PCLO: variants seen among roughly 807,000 people sequenced by gnomAD.
PCLO encodes the protein piccolo presynaptic cytomatrix protein, also known as protein piccolo.
A neutral mutation model predicts 427.5 loss-of-function variants in PCLO; 82 were observed. That is an observed-to-expected ratio of 0.19 (90% CI 0.16 to 0.23). The LOEUF is 0.23. Ranked by LOEUF, PCLO falls within the 10% of genes least tolerant of loss-of-function variation. The pLI is 1.00. For missense variants in PCLO, 6,239 were observed against 6,115.9 expected (o/e 1.02, Z -0.67); for synonymous variants, 2,357 against 2,155.4 (o/e 1.09, Z -2.59).
chr7:82,993,958 A>G (rs1311149065), intron 3 of PCLO, among the ~76,000 whole-genome samples: 1 of 152,076 alleles, frequency 6.6e-6, no homozygotes, highest in Non-Finnish European at 1.5e-5. Context: ...TTGTCATAAT[A>G]AGAGAAAACT....
intron 20 of PCLO, among the ~76,000 whole-genome samples, chr7:82,817,200 C>T (rs1791694439): frequency 6.6e-6 from 1 of 152,140 alleles, no homozygotes; most frequent in Non-Finnish European, 1.5e-5. Context: ...ATGCGCATGT[C>T]ATTACAGTTT....
In PCLO at chr7:82,922,518, A is replaced by G. The variant is rs564205630; in HGVS notation, c.11113-5645T>C. On this transcript the variant is annotated intron_variant, in intron 6 of 24. Coordinates refer to ENST00000333891, the MANE Select transcript of PCLO (RefSeq NM_033026.6). ...AACCAAATACCACATGTTGTCACCTATAAGTGGGATCTAAACATTGAGTAC... is the reference window on the plus strand; with the variant it reads ...AACCAAATACCACATGTTGTCACCTGTAAGTGGGATCTAAACATTGAGTAC... 2.0e-5 allele frequency among the ~76,000 whole-genome samples: 3 copies of G among 152,190 alleles called. No individual in the cohort carries two copies. In the South Asian group the frequency reaches 6.2e-4, roughly 32 times the overall value.
intron 1 of PCLO, among the ~76,000 whole-genome samples, chr7:83,161,711 A>G (rs1584105480): frequency 6.6e-6 from 1 of 152,212 alleles, no homozygotes; most frequent in African/African-American, 2.4e-5. Context: ...AGCATATGCT[A>G]ATTTAGAAAT....
intron 3 of PCLO, among the ~76,000 whole-genome samples, chr7:83,109,806 C>T (rs1010943256): frequency 6.6e-6 from 1 of 151,868 alleles, no homozygotes; most frequent in African/African-American, 2.4e-5. Context: ...CACTTAATAG[C>T]AAAAACATTT....
chr7:82,989,984 T>G (rs1298275646), intron 3 of PCLO, among the ~76,000 whole-genome samples: 1 of 152,160 alleles, frequency 6.6e-6, no homozygotes. Context: ...GAATTTCCTC[T>G]TTAGTAGAAA....
At chr7:82,891,765 A>G (rs1287597021) in intron 9 of PCLO, among the ~76,000 whole-genome samples, 1 of 152,020 alleles carries the variant, frequency 6.6e-6, no homozygotes, top group East Asian at 1.9e-4. Context: ...AATTTTGTCA[A>G]AGGCCTTTTG....
In PCLO at chr7:82,841,505, G is replaced by A; in HGVS notation, c.14051C>T (p.Thr4684Ile). Residue 4684 changes from threonine to isoleucine, a missense_variant, in exon 14 of 25, where the codon ACC becomes ATC. Transcript: ENST00000333891. Reference sequence around the variant, plus strand: ...ATGAGAGACAACCTTTGTTCCATCGGTAGGCTGTAATATTAAAGAACATAT... The same window carrying A: ...ATGAGAGACAACCTTTGTTCCATCGATAGGCTGTAATATTAAAGAACATAT... The part of the protein sequence containing the change: ...SKKKHGSSKP[T>I]DGTKVVSHPI... The A allele has an allele frequency of 6.4e-7, 1 of 1,566,958 alleles. No individual in the cohort carries two copies. The highest frequency in any genetic ancestry group is 8.8e-7 in the Non-Finnish European group (1 of 1,138,468).
chr7:82,907,053 G>A (rs1185141531), intron 8 of PCLO, among the ~76,000 whole-genome samples: 1 of 151,786 alleles, frequency 6.6e-6, no homozygotes, highest in East Asian at 1.9e-4. Flanking sequence ...GTATATGTTA[G>A]TAACATTAAA....
chr7:82,841,094 A>G (rs1248040346), intron 14 of PCLO, among the ~76,000 whole-genome samples: 3 of 151,978 alleles, frequency 2.0e-5, no homozygotes, highest in African/African-American at 7.2e-5. Flanking sequence ...GCAATTTTTG[A>G]TTAAAAGAAG....
intron 10 of PCLO, among the ~76,000 whole-genome samples, chr7:82,878,827 T>C (rs1212329073): frequency 6.6e-6 from 1 of 152,204 alleles, no homozygotes. Context: ...AGTTCTGCTA[T>C]TGTTTTGGTA....
At chr7:83,078,313 G>C (rs557429723) in intron 3 of PCLO, among the ~76,000 whole-genome samples, 1 of 151,918 alleles carries the variant, frequency 6.6e-6, no homozygotes, top group Non-Finnish European at 1.5e-5. Flanking sequence ...CAATAGTCTG[G>C]TAGCTCTGCA....
At chr7:82,894,012 A>G (rs917197460) in intron 9 of PCLO, among the ~76,000 whole-genome samples, 17 of 152,030 alleles carry the variant, frequency 1.1e-4, no homozygotes, top group African/African-American at 3.9e-4. Context: ...TACTTAAAAA[A>G]ATATTTAAGT....
At chr7:82,813,506 A>ATT (rs1211894503) in intron 20 of PCLO, among the ~76,000 whole-genome samples, 1 of 151,728 alleles carries the variant, frequency 6.6e-6, no homozygotes, top group Non-Finnish European at 1.5e-5. Context: ...TCAGTGACCA[A>ATT]TTGCATTTTT....
intron 3 of PCLO, among the ~76,000 whole-genome samples, chr7:83,055,987 C>T (rs1789369695): frequency 6.6e-6 from 1 of 152,052 alleles, no homozygotes; most frequent in South Asian, 2.1e-4. Context: ...GAATTTGGAA[C>T]CAGGGTGCAA....
chr7:82,810,026 T>C lies in PCLO; in HGVS notation c.14792-4197A>G, dbSNP rs77319287. 2.9e-3 allele frequency among the ~76,000 whole-genome samples: 436 copies of C among 151,762 alleles called. 14 individuals carry two copies. The East Asian group carries it at 0.052, about 18-fold the overall frequency. ...ATGAAAGTGACAAAAGAAAATAATA[T>C]GTAGAGTAACATTCTGTGGGAGCCA... On this transcript the variant is annotated intron_variant, in intron 20 of 24. Coordinates refer to ENST00000333891, the MANE Select transcript of PCLO (RefSeq NM_033026.6).
chr7:83,011,561 C>T lies in PCLO; in HGVS notation c.3301-45074G>A, dbSNP rs187269337. On this transcript the variant is annotated intron_variant, in intron 3 of 24. Transcript: ENST00000333891. ...CAAATAAATAGGATCAAGACAAATA[C>T]ATCACAATGAAATGTAAATGTCTAA... Among the ~76,000 whole-genome samples, 300 of 148,924 alleles carry T rather than the reference C, an allele frequency of 2.0e-3. 5 individuals are homozygous for T. The highest frequency in any genetic ancestry group is 0.018 in the Admixed American group (267 of 15,092).
chr7:83,108,252 G>GTGAGGAGA (rs1790917816), intron 3 of PCLO, among the ~76,000 whole-genome samples: 1 of 151,916 alleles, frequency 6.6e-6, no homozygotes, highest in Non-Finnish European at 1.5e-5. Flanking sequence ...CCTTTCCTTT[G>GTGAGGAGA]TTGTTATTGG....
In PCLO at chr7:83,156,042, T is replaced by C. The variant is rs747395077; in HGVS notation, c.599A>G (p.Gln200Arg). The change falls in exon 2 of 25, where the codon CAA (glutamine) becomes CGA (arginine). Residue 200 changes from glutamine (Q) to arginine (R), a missense_variant. By Grantham distance (43) the Gln-to-Arg change is conservative (BLOSUM62 1). This residue lies in a region of PCLO where 4,677 missense variants were observed against 4,468.4 expected (regional missense o/e 1.05). Coordinates refer to ENST00000333891, the MANE Select transcript of PCLO (RefSeq NM_033026.6). Reference sequence around the variant, plus strand: ...TTTTATGATTCCTTCAGGTTTTCCTTGCTCCTTCTGAACCACTTTTTGTTT... The same window carrying C: ...TTTTATGATTCCTTCAGGTTTTCCTCGCTCCTTCTGAACCACTTTTTGTTT... ...TKKQKVVQKEQGKPEGIIKPP... is the reference protein window; with the variant it reads ...TKKQKVVQKERGKPEGIIKPP... 5.6e-6 allele frequency: 9 copies of C among 1,613,626 alleles called. No individual in the cohort carries two copies. In the African/African-American group the frequency reaches 6.7e-5, roughly 12 times the overall value.
In PCLO at chr7:83,162,622, CCCT is replaced by C. The variant is rs1792476517; in HGVS notation, c.-33_-31del. The C allele has an allele frequency of 1.3e-6, 2 of 1,506,872 alleles. No homozygotes were observed. Among genetic ancestry groups the C allele is most frequent in the Non-Finnish European group, 1.8e-6 (2 of 1,131,156 alleles). 93.3% of individuals were successfully genotyped at this position (1,506,872 alleles called of 1,614,324 possible). A position where few individuals can be genotyped will look rare whatever the true frequency, so the allele number is the denominator to read the frequency against. ...CAGGGAGACTCGGGGCCGCCGCGCT[CCCT>C]CCTCGCGCCGCGTCCCAGTCGAGAA... On this transcript the variant is annotated 5_prime_UTR_variant, in exon 1 of 25. Coordinates refer to ENST00000333891, the MANE Select transcript of PCLO (RefSeq NM_033026.6).
Sources: gnomAD v4.1 joint callset for allele counts (sites outside exome capture counted in the v4.1 genomes callset) on GRCh38, gnomAD v4.1.1 for gene constraint, gnomAD v4.1.1 regional missense constraint, MANE v1.5 for transcripts, NCBI Gene and HGNC (gene_info 2026-07-23, HGNC 2026-07-21) for gene names.